The following AKR1C3 variants were observed in gnomAD, a reference collection of about 807,000 sequenced individuals.
The protein encoded by AKR1C3 is 3-alpha hydroxysteroid dehydrogenase, type II.
Under a neutral mutation model 43.6 loss-of-function variants are expected in AKR1C3, and 48 were observed. The ratio of observed to expected loss-of-function variants is 1.10; its 90% CI spans 0.87 to 1.40. AKR1C3 has a LOEUF of 1.40. Ranked by LOEUF, AKR1C3 falls within the 40% of genes most tolerant of loss-of-function variation. The probability of loss-of-function intolerance (pLI) is 0.00; values close to 1 mark genes in which losing one functional copy is unlikely to be tolerated. For synonymous variants in AKR1C3, 162 were observed against 139.6 expected (o/e 1.16, Z -1.13); for missense variants, 482 against 391.2 (o/e 1.23, Z -1.96).
intron 1 of AKR1C3, among the ~76,000 whole-genome samples, chr10:5,088,856 A>C (rs1458631711): frequency 3.3e-5 from 5 of 151,976 alleles, no homozygotes; most frequent in Admixed American, 2.6e-4. Flanking sequence ...CTTGTTAGCC[A>C]ATTGCTTTAG....
In AKR1C3 at chr10:5,103,363, TGTC is replaced by T. The variant is rs587742480; in HGVS notation, c.846+714_846+716del. On this transcript the variant is annotated intron_variant, in intron 7 of 8. Coordinates refer to ENST00000380554, the MANE Select transcript of AKR1C3 (RefSeq NM_003739.6). ...AGTCTTTCTTTGACTCTTAGTTGCT[TGTC>T]TTTTTTTTAAGTATAGGAGACCATA... 8.1e-3 allele frequency among the ~76,000 whole-genome samples: 1,239 copies of T among 152,242 alleles called. 18 individuals carry two copies. Among genetic ancestry groups the T allele is most frequent in the African/African-American group, 0.028 (1,156 of 41,516 alleles).
intron 7 of AKR1C3, chr10:5,105,314 T>G (rs887639150): frequency 4.1e-4 from 43 of 105,370 alleles, no homozygotes; most frequent in African/African-American, 2.6e-3. Context: ...TGTGACCCTA[T>G]CATGTGGGCA....
rs1300741318 is a variant in AKR1C3 at position 5,107,515 on chromosome 10, T to C, written c.*12T>C. The C allele has an allele frequency of 5.7e-6, 9 of 1,580,266 alleles. No homozygotes were observed. Among genetic ancestry groups the C allele is most frequent in the Non-Finnish European group, 6.1e-6 (7 of 1,150,548 alleles). The stretch of plus-strand genomic sequence containing the variant: ...CAGATGAATATTAACATGGAGGGCT[T>C]TGCCTGATGTCTACCAGAAGCCCTG... On this transcript the variant is annotated 3_prime_UTR_variant, in exon 9 of 9. Coordinates refer to ENST00000380554, the MANE Select transcript of AKR1C3 (RefSeq NM_003739.6).
intron 1 of AKR1C3, among the ~76,000 whole-genome samples, chr10:5,068,807 G>GC (rs1457522505): frequency 2.0e-5 from 3 of 152,198 alleles, no homozygotes; most frequent in African/African-American, 7.2e-5. Flanking sequence ...CATCTCAGAA[G>GC]CCCCCAGGGC....
At chr10:5,069,534 T>G (rs1554781133) in intron 1 of AKR1C3, among the ~76,000 whole-genome samples, 1 of 152,172 alleles carries the variant, frequency 6.6e-6, no homozygotes. Flanking sequence ...ATGTGTTAAC[T>G]AGAATTCTTA....
chr10:5,098,030 C>T (rs2131841080), intron 3 of AKR1C3: 3 of 1,001,040 alleles, frequency 3.0e-6, no homozygotes, highest in Non-Finnish European at 3.6e-6. Context: ...CTTTATTATT[C>T]TGCTGCCTCT....
chr10:5,102,035 C>A, intron 5 of AKR1C3, 66 bp from the exon 6 acceptor site: 1 of 1,042,410 alleles, frequency 9.6e-7, no homozygotes, highest in Non-Finnish European at 1.5e-6. Context: ...TCCTTACTTT[C>A]ATCTTTTCAA....
chr10:5,098,203 G>A, intron 3 of AKR1C3: 3 of 982,502 alleles, frequency 3.1e-6, no homozygotes, highest in Non-Finnish European at 3.6e-6. Context: ...TTAAGGATAT[G>A]AAATAGTCTA....
intron 1 of AKR1C3, among the ~76,000 whole-genome samples, chr10:5,053,515 C>T (rs1464783727): frequency 6.6e-6 from 1 of 152,246 alleles, no homozygotes; most frequent in Non-Finnish European, 1.5e-5. Flanking sequence ...AGGGAGATGG[C>T]TCTGGCCTTG....
intron 3 of AKR1C3, 142 bp from the exon 4 acceptor site, chr10:5,098,660 A>AAAAC: frequency 1.5e-6 from 1 of 675,606 alleles, no homozygotes; most frequent in East Asian, 2.8e-5. Flanking sequence ...CTTCATATGT[A>AAAAC]AAACACTTAG....
chr10:5,099,532 C>T (rs1839297482), intron 5 of AKR1C3, 83 bp downstream of exon 5: 4 of 1,591,272 alleles, frequency 2.5e-6, no homozygotes, highest in Admixed American at 1.7e-5. Flanking sequence ...TTGTTTTGTC[C>T]CAGTTATCTT....
upstream of AKR1C3, chr10:5,094,326 C>A: frequency 2.6e-6 from 3 of 1,146,598 alleles, no homozygotes; most frequent in East Asian, 3.2e-5. Flanking sequence ...CTCCTACATG[C>A]CATTGGTTAA....
chr10:5,095,688 G>A (rs782538837), intron 1 of AKR1C3, among the ~76,000 whole-genome samples: 3 of 151,938 alleles, frequency 2.0e-5, no homozygotes, highest in Admixed American at 6.6e-5. Flanking sequence ...CTGGAATTCT[G>A]TCTTTCCTGA....
At chr10:5,097,379 A>T (rs1200641913) in intron 2 of AKR1C3, 55 bp from the exon 3 acceptor site, 1 of 1,593,000 alleles carries the variant, frequency 6.3e-7, no homozygotes, top group Non-Finnish European at 8.5e-7. Flanking sequence ...GCACAAAGTA[A>T]TAAGATTTGC....
At position 5,099,340 on chromosome 10, in the gene AKR1C3, G is replaced by T; in HGVS notation, c.461G>T (p.Cys154Phe). ...LCTTWEAMEK[C>F]KDAGLAKSIG... Reference sequence around the variant, plus strand: ...CTTTCTCCACAGGCCATGGAGAAGTGTAAGGATGCAGGATTGGCCAAGTCC... The same window carrying T: ...CTTTCTCCACAGGCCATGGAGAAGTTTAAGGATGCAGGATTGGCCAAGTCC... Residue 154 changes from cysteine to phenylalanine, a missense_variant, in exon 5 of 9, where the codon TGT (cysteine) becomes TTT (phenylalanine). Cys to Phe is a radical substitution (Grantham distance 205). Transcript: ENST00000380554. The T allele has an allele frequency of 6.2e-7, 1 of 1,614,188 alleles. No individual in the cohort carries two copies. Among genetic ancestry groups the T allele is most frequent in the Non-Finnish European group, 8.5e-7 (1 of 1,180,042 alleles).
intron 3 of AKR1C3, among the ~76,000 whole-genome samples, chr10:5,098,435 C>G (rs1554785495): frequency 6.6e-6 from 1 of 152,130 alleles, no homozygotes; most frequent in Non-Finnish European, 1.5e-5. Flanking sequence ...GTCTGATAAT[C>G]CTACCGTGTA....
chr10:5,051,489 C>A (rs1005876715), intron 1 of AKR1C3, among the ~76,000 whole-genome samples: 1 of 152,160 alleles, frequency 6.6e-6, no homozygotes, highest in Non-Finnish European at 1.5e-5. Context: ...GTCATGCTCT[C>A]AAAAAATGCA....
chr10:5,090,575 G>T (rs782593497), upstream of AKR1C3, among the ~76,000 whole-genome samples: 4 of 152,124 alleles, frequency 2.6e-5, no homozygotes, highest in Admixed American at 6.6e-5. Flanking sequence ...CTCATGTAGT[G>T]TGAGGTGGTA....
intron 1 of AKR1C3, among the ~76,000 whole-genome samples, chr10:5,063,834 A>G (rs1838437227): frequency 6.7e-6 from 1 of 149,610 alleles, no homozygotes; most frequent in South Asian, 2.1e-4. Context: ...AATGACAGTC[A>G]TGTGTCATGT....
Sources: allele counts gnomAD v4.1 joint callset (sites outside exome capture counted in the v4.1 genomes callset), GRCh38; gene constraint gnomAD v4.1.1; transcripts MANE v1.5; gene names NCBI Gene and HGNC (gene_info 2026-07-23, HGNC 2026-07-21).